The following ARSG variants were observed in gnomAD, a reference collection of about 807,000 sequenced individuals.
The protein encoded by ARSG is arylsulfatase G.
In ARSG, 37 loss-of-function variants were observed where a neutral mutation model predicts 50.5. The observed-to-expected ratio is 0.73, with a 90% CI of 0.56 to 0.96. ARSG has a LOEUF of 0.96. Ranked by LOEUF, ARSG falls within the 50% of genes least tolerant of loss-of-function variation. The pLI, the probability that ARSG is intolerant of heterozygous loss-of-function variation, is 0.00. For missense variants in ARSG, 629 were observed against 675.3 expected, an observed-to-expected ratio of 0.93 and a Z score of 0.76; for synonymous variants, 225 against 254.6, an observed-to-expected ratio of 0.88 and a Z score of 1.11.
At position 68,276,873 on chromosome 17, in the gene ARSG, G is replaced by A. The variant is rs2075540935; in HGVS notation, c.-552+17447G>A. 2.6e-5 allele frequency among the ~76,000 whole-genome samples: 4 copies of A among 152,236 alleles called. No homozygotes were observed. In the South Asian group the frequency reaches 8.3e-4, roughly 32 times the overall value. On this transcript the variant is annotated intron_variant, in intron 1 of 11. Coordinates refer to the ARSG transcript ENST00000448504. The stretch of plus-strand genomic sequence containing the variant: ...ATGTATATTCAATAGCCCTTTATAG[G>A]ACCAAGTGAAGATTAGTATGTTAAA...
chr17:68,404,729 T>C (rs78077904), intron 11 of ARSG, among the ~76,000 whole-genome samples: 2,568 of 152,308 alleles, frequency 0.017, 80 homozygotes, highest in African/African-American at 0.059. Context: ...TTCTTTCATG[T>C]TTGATTGAAT....
intron 2 of ARSG, among the ~76,000 whole-genome samples, chr17:68,317,081 C>G (rs968300823): frequency 1.3e-5 from 2 of 152,026 alleles, no homozygotes; most frequent in Non-Finnish European, 2.9e-5. Flanking sequence ...ATGTGATTTG[C>G]CCATTTTTGC....
the ARSG span, among the ~76,000 whole-genome samples, chr17:68,432,782 G>A: frequency 6.6e-6 from 1 of 152,086 alleles, no homozygotes; most frequent in East Asian, 1.9e-4. Context: ...CGTTTTCAAA[G>A]CGCTCTTTCT....
At chr17:68,369,082 C>T (rs1354454665) in intron 7 of ARSG, among the ~76,000 whole-genome samples, 1 of 152,224 alleles carries the variant, frequency 6.6e-6, no homozygotes, top group Non-Finnish European at 1.5e-5. Context: ...AGATTTCCCT[C>T]TTCTCCATCT....
chr17:68,320,442 GA>G (rs2077238686), intron 2 of ARSG, among the ~76,000 whole-genome samples: 1 of 152,170 alleles, frequency 6.6e-6, no homozygotes, highest in African/African-American at 2.4e-5. Flanking sequence ...AGGCAGAAGG[GA>G]AGGCAAGAGA....
In ARSG at chr17:68,347,160, C is replaced by A. The variant is rs777666535; in HGVS notation, c.442C>A (p.Pro148Thr). Residue 148 changes from proline to threonine, a missense_variant, in exon 4 of 12, where the codon CCC (proline) becomes ACC (threonine). Physicochemically the swap from Pro to Thr is conservative, Grantham distance 38. Coordinates refer to ENST00000621439, the MANE Select transcript of ARSG (RefSeq NM_001267727.2). ...WHLGHHGSYH[P>T]NFRGFDYYFG... ...TCTTGGACACCACGGCTCTTATCAC[C>A]CCAACTTCCGTGGTAAGAATTCTTT... 1.2e-6 allele frequency: 2 copies of A among 1,613,976 alleles called. No homozygotes were observed. Among genetic ancestry groups the A allele is most frequent in the East Asian group, 4.5e-5 (2 of 44,888 alleles).
rs1337869335 is a variant in ARSG, at chr17:68,271,906, G to T, written c.-552+12480G>T. On this transcript the variant is annotated intron_variant, in intron 1 of 11. Coordinates refer to the ARSG transcript ENST00000448504. This position sits in a 1 kb window ranked among gnomAD's most constrained non-coding sequence, Gnocchi z 5.3. Reference sequence around the variant, plus strand: ...CAACCTCCACCTCCCGGGTTCAAGCGATTCTCCTGCCTCAGCCTCCTGAGT... The same window carrying T: ...CAACCTCCACCTCCCGGGTTCAAGCTATTCTCCTGCCTCAGCCTCCTGAGT... 1.3e-5 allele frequency among the ~76,000 whole-genome samples: 2 copies of T among 152,162 alleles called. No individual in the cohort carries two copies. The highest frequency in any genetic ancestry group is 4.8e-5 in the African/African-American group (2 of 41,454).
chr17:68,263,892 C>T (rs1883920925), intron 1 of ARSG, among the ~76,000 whole-genome samples: 1 of 152,096 alleles, frequency 6.6e-6, no homozygotes, highest in African/African-American at 2.4e-5. Context: ...GAATCTTGCT[C>T]TGTCGCCCAG....
chr17:68,319,196 C>T (rs1425413388), intron 2 of ARSG, among the ~76,000 whole-genome samples: 5 of 152,162 alleles, frequency 3.3e-5, no homozygotes, highest in African/African-American at 1.2e-4. Context: ...ATTCCTAACC[C>T]TGACAGTAAC....
chr17:68,356,706 T>G lies in ARSG; in HGVS notation c.606T>G (p.Pro202=), dbSNP rs1459954353. Residue 202 remains proline (P), a synonymous_variant, in exon 6 of 12, where the codon CCT becomes CCG. Transcript: ENST00000621439. The stretch of plus-strand genomic sequence containing the variant: ...ACTGTTACACTGACGTGGCCCTCCC[T>G]CTTTATGAAAACCTCAACATTGTGG... ...QRDCYTDVAL[P]LYENLNIVEQ... is the part of the protein sequence containing the mutation. 6 of 1,614,108 alleles carry G rather than the reference T, an allele frequency of 3.7e-6. No individual in the cohort carries two copies. Among genetic ancestry groups the G allele is most frequent in the Non-Finnish European group, 5.1e-6 (6 of 1,180,030 alleles).
intron 1 of ARSG, among the ~76,000 whole-genome samples, chr17:68,277,908 AG>A (rs1294295017): frequency 6.6e-6 from 1 of 152,162 alleles, no homozygotes; most frequent in African/African-American, 2.4e-5. Flanking sequence ...TTTTTTCTTC[AG>A]TGCCTTTTGT....
chr17:68,335,729 G>A (rs757631883), intron 2 of ARSG, among the ~76,000 whole-genome samples: 9 of 152,174 alleles, frequency 5.9e-5, no homozygotes, highest in Non-Finnish European at 1.2e-4. Context: ...AGACAGCTGG[G>A]ATTTGCCAAT....
At chr17:68,265,185 C>T (rs1397585941) in intron 1 of ARSG, among the ~76,000 whole-genome samples, 2 of 147,296 alleles carry the variant, frequency 1.4e-5, no homozygotes, top group Non-Finnish European at 3.0e-5. Context: ...AAAAAGAAAA[C>T]GTAATTAACA....
At chr17:68,425,893 T>C, downstream of ARSG, 1 of 586,766 alleles carries the variant, frequency 1.7e-6, no homozygotes, top group Non-Finnish European at 3.0e-6. Context: ...ACCTAAAGCC[T>C]ACTCTGTAGG....
intron 6 of ARSG, among the ~76,000 whole-genome samples, chr17:68,358,487 G>T (rs1008782012): frequency 6.6e-6 from 1 of 151,890 alleles, no homozygotes; most frequent in Non-Finnish European, 1.5e-5. Flanking sequence ...TCAGGAGTTC[G>T]AAACCAGCCT....
chr17:68,352,103 G>C (rs1258099142), intron 5 of ARSG, among the ~76,000 whole-genome samples: 2 of 130,320 alleles, frequency 1.5e-5, no homozygotes, highest in Admixed American at 1.7e-4. Context: ...GAGAGAGAGA[G>C]AGAGAGAGAG....
chr17:68,451,126 C>G, the ARSG span, among the ~76,000 whole-genome samples: 1 of 152,236 alleles, frequency 6.6e-6, no homozygotes, highest in Non-Finnish European at 1.5e-5. Context: ...TTCCAAATAT[C>G]TAAAGTAAAG....
chr17:68,430,088 A>C, the ARSG span: 1 of 1,614,162 alleles, frequency 6.2e-7, no homozygotes, highest in Non-Finnish European at 8.5e-7. Context: ...ACACCTGGGT[A>C]GGGAGGTAGT....
the ARSG span, among the ~76,000 whole-genome samples, chr17:68,435,139 G>A: frequency 6.6e-6 from 1 of 151,704 alleles, no homozygotes; most frequent in African/African-American, 2.4e-5. Context: ...CCTGGGAGGC[G>A]GAGGTTGCAG....
Sources: gnomAD v4.1 joint callset for allele counts (sites outside exome capture counted in the v4.1 genomes callset) on GRCh38, gnomAD v4.1.1 for gene constraint, Gnocchi (gnomAD v3.1) non-coding constraint, MANE v1.5 for transcripts, NCBI Gene and HGNC (gene_info 2026-07-23, HGNC 2026-07-21) for gene names.